Variants in CIMAP3 observed in about 807,000 individuals in gnomAD.
CIMAP3 encodes ciliary microtubule-associated protein 3.
chr1:111,331,164 A>G, the CIMAP3 span, among the ~76,000 whole-genome samples: 8 of 152,266 alleles, frequency 5.3e-5, no homozygotes, highest in East Asian at 5.8e-4. Context: ...ACTTTTGACA[A>G]TTTGAATATA....
the CIMAP3 span, among the ~76,000 whole-genome samples, chr1:111,341,087 C>T: frequency 1.3e-5 from 2 of 151,048 alleles, no homozygotes; most frequent in East Asian, 3.9e-4. Flanking sequence ...AATCATCATT[C>T]TCAGTAAACT....
the CIMAP3 span, among the ~76,000 whole-genome samples, chr1:111,336,920 G>A: frequency 6.6e-6 from 1 of 151,512 alleles, no homozygotes; most frequent in Non-Finnish European, 1.5e-5. Flanking sequence ...TTGAAATGAC[G>A]GAAAAAATGT....
At chr1:111,338,145 C>G in the CIMAP3 span, among the ~76,000 whole-genome samples, 1 of 150,708 alleles carries the variant, frequency 6.6e-6, no homozygotes, top group African/African-American at 2.5e-5. Context: ...TCTTTGAAAC[C>G]AACGAGAACA....
At chr1:111,347,647 GTTT>G in the CIMAP3 span, 1 of 862,582 alleles carries the variant, frequency 1.2e-6, no homozygotes, top group Non-Finnish European at 1.6e-6. Flanking sequence ...TGGTGTTTTT[GTTT>G]GTTTTTTAAT....
chr1:111,350,290 T>A, the CIMAP3 span: 9 of 1,244,480 alleles, frequency 7.2e-6, no homozygotes, highest in East Asian at 4.7e-5. Context: ...TATTAGGGAC[T>A]CTTAATTAGG....
the CIMAP3 span, among the ~76,000 whole-genome samples, chr1:111,342,605 C>T: frequency 3.3e-5 from 5 of 152,190 alleles, no homozygotes; most frequent in African/African-American, 1.2e-4. Context: ...ACAGAGTTTT[C>T]AGGGCTGGTT....
the CIMAP3 span, among the ~76,000 whole-genome samples, chr1:111,339,683 C>G: frequency 6.6e-6 from 1 of 151,824 alleles, no homozygotes; most frequent in Non-Finnish European, 1.5e-5. Flanking sequence ...GAACTACAAA[C>G]CACTGCTCAA....
At chr1:111,341,986 G>T in the CIMAP3 span, among the ~76,000 whole-genome samples, 1 of 152,000 alleles carries the variant, frequency 6.6e-6, no homozygotes, top group African/African-American at 2.4e-5. Flanking sequence ...AGTCGAGCAT[G>T]AGCATGGGGT....
the CIMAP3 span, among the ~76,000 whole-genome samples, chr1:111,338,797 C>T: frequency 6.6e-5 from 10 of 152,138 alleles, no homozygotes; most frequent in South Asian, 4.2e-4. Flanking sequence ...TGGTACCATT[C>T]CTTCTGAAAC....
the CIMAP3 span, chr1:111,324,700 T>C: frequency 1.0e-6 from 1 of 984,402 alleles, no homozygotes; most frequent in Non-Finnish European, 1.2e-6. Flanking sequence ...AGTCCCCATG[T>C]GAGAGTGGCA....
At chr1:111,329,195 G>A in the CIMAP3 span, among the ~76,000 whole-genome samples, 1 of 152,074 alleles carries the variant, frequency 6.6e-6, no homozygotes, top group African/African-American at 2.4e-5. Context: ...CTGGCTTGCA[G>A]GGTTTCAGCG....
chr1:111,334,431 A>G, the CIMAP3 span, among the ~76,000 whole-genome samples: 55 of 149,968 alleles, frequency 3.7e-4, 1 homozygote, highest in African/African-American at 1.4e-3. Context: ...AATAAAAACC[A>G]AACAAGCCAG....
At chr1:111,325,010 A>G in the CIMAP3 span, 2 of 526,692 alleles carry the variant, frequency 3.8e-6, no homozygotes, top group Non-Finnish European at 4.9e-6. Context: ...CTGATTCTGG[A>G]TGGAGGCAGA....
chr1:111,326,342 C>A, the CIMAP3 span, among the ~76,000 whole-genome samples: 1 of 152,148 alleles, frequency 6.6e-6, no homozygotes. Context: ...TACCATTCTA[C>A]TCTCTATTCT....
At chr1:111,337,362 G>A in the CIMAP3 span, among the ~76,000 whole-genome samples, 1 of 152,128 alleles carries the variant, frequency 6.6e-6, no homozygotes. Context: ...AACTTTAAAT[G>A]TAAATGGACT....
At chr1:111,348,416 G>T in the CIMAP3 span, 2 of 1,226,834 alleles carry the variant, frequency 1.6e-6, no homozygotes, top group Non-Finnish European at 2.2e-6. Flanking sequence ...GCTGATTTAT[G>T]AACAGAAAGA....
At chr1:111,326,842 G>A in the CIMAP3 span, among the ~76,000 whole-genome samples, 2 of 152,114 alleles carry the variant, frequency 1.3e-5, no homozygotes, top group Admixed American at 6.6e-5. Context: ...CTGATGATTA[G>A]TAATGTTGAG....
the CIMAP3 span, among the ~76,000 whole-genome samples, chr1:111,332,656 CA>C: frequency 3.3e-3 from 502 of 152,270 alleles, 3 homozygotes; most frequent in Non-Finnish European, 5.8e-3. Flanking sequence ...GAGGTATGCA[CA>C]GGGCTTTTCT....
At chr1:111,335,184 A>G in the CIMAP3 span, among the ~76,000 whole-genome samples, 4 of 151,532 alleles carry the variant, frequency 2.6e-5, no homozygotes, top group Non-Finnish European at 5.9e-5. Context: ...GAGAAGAAAA[A>G]GAATAAAAAA....
Sources: allele counts gnomAD v4.1 joint callset (sites outside exome capture counted in the v4.1 genomes callset), GRCh38; gene constraint gnomAD v4.1.1; transcripts MANE v1.5; gene names NCBI Gene and HGNC (gene_info 2026-07-23, HGNC 2026-07-21).